SEC14L1: variants seen among roughly 807,000 people sequenced by gnomAD.
SEC14L1 encodes the protein SEC14-like protein 1.
SEC14L1 carries 48 observed loss-of-function variants against 85.3 expected under a neutral mutation model. The ratio of observed to expected loss-of-function variants is 0.56; its 90% CI spans 0.45 to 0.72. The LOEUF (loss-of-function observed/expected upper bound fraction) is 0.72, where lower values mean the gene tolerates loss of function less well. Ranked by LOEUF, SEC14L1 falls within the 30% of genes least tolerant of loss-of-function variation. The pLI is 0.00. For missense variants in SEC14L1, 682 were observed against 921.4 expected (o/e 0.74, Z 3.36); for synonymous variants, 391 against 355.5 (o/e 1.10, Z -1.12).
chr17:77,135,413 T>G (rs1972764130), intron 3 of SEC14L1, among the ~76,000 whole-genome samples: 1 of 152,262 alleles, frequency 6.6e-6, no homozygotes, highest in Non-Finnish European at 1.5e-5. Context: ...TCCATAGCAC[T>G]GTCCCTATTT....
chr17:77,199,397 A>G (rs1975998794), intron 8 of SEC14L1: 1 of 159,810 alleles, frequency 6.3e-6, no homozygotes, highest in African/African-American at 2.4e-5. Flanking sequence ...GCATCTGTGT[A>G]TAAGAGAATC....
intron 5 of SEC14L1, among the ~76,000 whole-genome samples, chr17:77,192,339 A>C (rs1404061049): frequency 6.6e-6 from 1 of 152,106 alleles, no homozygotes; most frequent in African/African-American, 2.4e-5. Context: ...CTGAATTCAA[A>C]GTGATCTATT....
Position 77,200,542 on chromosome 17 carries a change from A to G in SEC14L1, c.878A>G (p.Lys293Arg), listed in dbSNP as rs1483605921. Reference protein sequence around the residue: ...FLRARDFNIDKAREIMCQSLT... With the variant: ...FLRARDFNIDRAREIMCQSLT... ...CGTGCACGGGATTTTAATATTGACAAAGCCAGAGAGATCATGTGTCAGTCT... is the reference window on the plus strand; with the variant it reads ...CGTGCACGGGATTTTAATATTGACAGAGCCAGAGAGATCATGTGTCAGTCT... The change falls in exon 9 of 17, where the codon AAA becomes AGA. Residue 293 changes from lysine (K) to arginine (R), a missense_variant. This residue lies in a region of SEC14L1 where 420 missense variants were observed against 619.5 expected (regional missense o/e 0.68). Transcript: ENST00000436233. The G allele has an allele frequency of 1.9e-6, 3 of 1,614,072 alleles. No individual in the cohort carries two copies. The highest frequency in any genetic ancestry group is 2.5e-6 in the Non-Finnish European group (3 of 1,179,960).
chr17:77,130,348 G>A (rs1364517263), intron 3 of SEC14L1, among the ~76,000 whole-genome samples: 11 of 151,840 alleles, frequency 7.2e-5, no homozygotes, highest in Non-Finnish European at 1.2e-4. Flanking sequence ...ACAGCGTTTC[G>A]CTCTGTCACC....
intron 3 of SEC14L1, among the ~76,000 whole-genome samples, chr17:77,145,806 T>G (rs557296811): frequency 3.3e-5 from 5 of 152,120 alleles, no homozygotes; most frequent in African/African-American, 1.2e-4. Context: ...TCAGCCACAG[T>G]TTTTCTCTAG....
chr17:77,118,634 C>A (rs1972231125), intron 3 of SEC14L1, among the ~76,000 whole-genome samples: 1 of 152,200 alleles, frequency 6.6e-6, no homozygotes, highest in African/African-American at 2.4e-5. Flanking sequence ...GTAAGGAAAG[C>A]CTCGGCCCCA....
At chr17:77,119,267 C>T (rs1391079744) in intron 3 of SEC14L1, among the ~76,000 whole-genome samples, 1 of 150,002 alleles carries the variant, frequency 6.7e-6, no homozygotes, top group Non-Finnish European at 1.5e-5. Flanking sequence ...GAGATTGCGC[C>T]ACTGCACTCC....
chr17:77,195,078 A>G (rs1365899115), intron 7 of SEC14L1, 167 bp downstream of exon 7: 7 of 589,586 alleles, frequency 1.2e-5, no homozygotes, highest in Admixed American at 3.1e-5. Context: ...TATGTAATAC[A>G]TTCATTTTAC....
chr17:77,155,076 C>G (rs1195902524), intron 3 of SEC14L1, among the ~76,000 whole-genome samples: 1 of 152,178 alleles, frequency 6.6e-6, no homozygotes, highest in East Asian at 1.9e-4. Context: ...CTATCTGGCT[C>G]TCTTACTGGG....
At chr17:77,120,723 G>C (rs535831870) in intron 3 of SEC14L1, among the ~76,000 whole-genome samples, 2 of 152,030 alleles carry the variant, frequency 1.3e-5, no homozygotes, top group Non-Finnish European at 2.9e-5. Context: ...GTGATCCACC[G>C]GTCTCGGCCT....
At chr17:77,149,215 C>T (rs186512545) in intron 3 of SEC14L1, among the ~76,000 whole-genome samples, 23 of 152,310 alleles carry the variant, frequency 1.5e-4, no homozygotes, top group Non-Finnish European at 1.3e-4. Flanking sequence ...CACAAAGCCT[C>T]TTGAGTGTTG....
intron 3 of SEC14L1, chr17:77,181,256 G>C (rs1324501089): frequency 6.6e-6 from 1 of 152,348 alleles, no homozygotes; most frequent in Non-Finnish European, 1.5e-5. Context: ...AGAGCCCTCT[G>C]CAGACATCAC....
At chr17:77,157,889 C>T (rs1199743496) in intron 3 of SEC14L1, among the ~76,000 whole-genome samples, 1 of 151,760 alleles carries the variant, frequency 6.6e-6, no homozygotes, top group East Asian at 1.9e-4. Flanking sequence ...TAAATAGGCT[C>T]TTATTACATC....
In SEC14L1 at chr17:77,193,454, G is replaced by T; in HGVS notation, c.379G>T (p.Glu127Ter). Reference sequence around the variant, plus strand: ...TGAAAATGAAGATTGGACCTGTTTTGAACAGTCTGCAAGTTTAGATATTAA... The same window carrying T: ...TGAAAATGAAGATTGGACCTGTTTTTAACAGTCTGCAAGTTTAGATATTAA... ...HPENEDWTCFEQSASLDIKSF... is the reference protein window; with the variant it reads ...HPENEDWTCF Residue 127 changes from glutamate (E) to a stop codon, truncating the protein, a stop_gained, in exon 6 of 17, where the codon GAA (glutamate) becomes TAA (stop). Transcript: ENST00000436233. LOFTEE classifies it high-confidence loss of function. 6.2e-7 allele frequency: 1 copy of T among 1,611,738 alleles called. No individual in the cohort carries two copies. The highest frequency in any genetic ancestry group is 1.1e-5 in the South Asian group (1 of 90,750).
chr17:77,187,737 ATTT>A (rs34369532), intron 3 of SEC14L1, among the ~76,000 whole-genome samples: 3 of 135,122 alleles, frequency 2.2e-5, no homozygotes, highest in African/African-American at 2.8e-5. Context: ...GGCTACTGGA[ATTT>A]TTTTTTTTTT....
Position 77,206,754 on chromosome 17 carries a change from C to T in SEC14L1, c.1368C>T (p.Thr456=). Residue 456 remains threonine (T), a synonymous_variant, in exon 13 of 17, where the codon ACC becomes ACT. Coordinates refer to ENST00000436233, the MANE Select transcript of SEC14L1 (RefSeq NM_001143998.2). This position sits in a 1 kb window ranked among gnomAD's most constrained non-coding sequence, Gnocchi z 4.3. ...TLVSPFIDDN[T]RRKFLIYAGN... ...TTAGTCCGTTCATTGATGACAACAC[C>T]AGAAGGAAGTTCCTCATTTATGCAG... The T allele has an allele frequency of 6.2e-7, 1 of 1,611,896 alleles. No individual in the cohort carries two copies. The highest frequency in any genetic ancestry group is 1.7e-5 in the Admixed American group (1 of 59,264).
chr17:77,120,437 A>C (rs1037453405), intron 3 of SEC14L1, among the ~76,000 whole-genome samples: 8 of 151,010 alleles, frequency 5.3e-5, no homozygotes, highest in Admixed American at 4.0e-4. Flanking sequence ...GAATGCATCC[A>C]CAACCTGAGG....
intron 3 of SEC14L1, among the ~76,000 whole-genome samples, chr17:77,167,479 A>G (rs1488096230): frequency 4.6e-5 from 7 of 152,268 alleles, no homozygotes; most frequent in East Asian, 3.9e-4. Flanking sequence ...CCTTTGGCCA[A>G]TGGGTTACTT....
chr17:77,090,360 T>C (rs1242905472), intron 2 of SEC14L1, among the ~76,000 whole-genome samples: 1 of 150,954 alleles, frequency 6.6e-6, no homozygotes, highest in Non-Finnish European at 1.5e-5. Flanking sequence ...TAAGAACATA[T>C]ATCCCAAGGA....
Sources: allele counts gnomAD v4.1 joint callset (sites outside exome capture counted in the v4.1 genomes callset), GRCh38; gene constraint gnomAD v4.1.1; regional missense constraint gnomAD v4.1.1; non-coding constraint Gnocchi (gnomAD v3.1); transcripts MANE v1.5; gene names NCBI Gene and HGNC (gene_info 2026-07-23, HGNC 2026-07-21).